The following MYO3B variants were observed in gnomAD, a reference collection of about 807,000 sequenced individuals.
The protein encoded by MYO3B is myosin-IIIb.
In MYO3B, 156 loss-of-function variants were observed where a neutral mutation model predicts 174.6. The observed-to-expected ratio is 0.89, with a 90% CI of 0.78 to 1.02. The LOEUF (loss-of-function observed/expected upper bound fraction) is 1.02, where lower values mean the gene tolerates loss of function less well. Among genes scored for constraint, MYO3B ranks in the 50% least tolerant of loss-of-function variants. The probability of loss-of-function intolerance (pLI) is 0.00; values close to 1 mark genes in which losing one functional copy is unlikely to be tolerated. For missense variants in MYO3B, 1,632 were observed against 1,639.4 expected (o/e 1.00, Z 0.08); for synonymous variants, 563 against 569.1 (o/e 0.99, Z 0.15).
intron 22 of MYO3B, among the ~76,000 whole-genome samples, chr2:170,413,640 A>G (rs2094559681): frequency 6.6e-6 from 1 of 151,334 alleles, no homozygotes; most frequent in South Asian, 2.1e-4. Context: ...CTAGATTTAG[A>G]TTTAGGATCC....
Position 170,601,930 on chromosome 2 carries a change from G to A in MYO3B, c.3734-49698G>A, listed in dbSNP as rs1393332973. The A allele has an allele frequency of 9.6e-6, 8 of 831,822 alleles. 1 individual carries two copies. The highest frequency in any genetic ancestry group is 7.2e-5 in the East Asian group (3 of 41,540). The allele number at this position is 831,822 out of a possible 1,614,324, so 51.5% of individuals were successfully genotyped here. On this transcript the variant is annotated intron_variant, in intron 32 of 34. Transcript: ENST00000408978. ...CTCAGAGCAGAACAGCAAAAAGGCC[G>A]AAGGAGGCCTCTTGGGTGCATTGGA...
chr2:170,427,979 T>G (rs12994830), intron 22 of MYO3B, among the ~76,000 whole-genome samples: 36,472 of 152,110 alleles, frequency 0.24, 5,136 homozygotes, highest in Non-Finnish European at 0.31. Context: ...AGAATAGATG[T>G]TATAAAGATG....
intron 7 of MYO3B, among the ~76,000 whole-genome samples, chr2:170,243,731 G>A (rs1466243465): frequency 4.6e-5 from 7 of 152,176 alleles, no homozygotes; most frequent in Admixed American, 4.6e-4. Flanking sequence ...CCTTGTAGCT[G>A]AAGAATTGAA....
chr2:170,523,794 T>C (rs571567273), intron 30 of MYO3B, among the ~76,000 whole-genome samples: 3 of 152,168 alleles, frequency 2.0e-5, no homozygotes, highest in Non-Finnish European at 4.4e-5. Context: ...AGGGGCTTCT[T>C]CTCAGGAGTC....
chr2:170,503,752 C>A (rs1174911149), intron 28 of MYO3B, among the ~76,000 whole-genome samples: 1 of 151,922 alleles, frequency 6.6e-6, no homozygotes, highest in East Asian at 1.9e-4. Flanking sequence ...TTAACTGAGT[C>A]TGCAGGGGCT....
chr2:170,617,699 C>G (rs963568325), intron 32 of MYO3B, among the ~76,000 whole-genome samples: 1 of 152,150 alleles, frequency 6.6e-6, no homozygotes, highest in African/African-American at 2.4e-5. Context: ...GGAGTTAAAT[C>G]TACGATATAA....
chr2:170,285,878 T>A (rs978963472), intron 7 of MYO3B, among the ~76,000 whole-genome samples: 6 of 152,080 alleles, frequency 3.9e-5, no homozygotes, highest in Non-Finnish European at 8.8e-5. Context: ...GAATTTTAGG[T>A]TTATATACAT....
At chr2:170,482,286 C>G (rs1559043914) in intron 25 of MYO3B, among the ~76,000 whole-genome samples, 1 of 152,100 alleles carries the variant, frequency 6.6e-6, no homozygotes, top group Non-Finnish European at 1.5e-5. Context: ...TCTCGAGTAG[C>G]TGGGATTACA....
intron 7 of MYO3B, among the ~76,000 whole-genome samples, chr2:170,330,853 GATTTCCGAAAGAGC>G (rs2093906700): frequency 8.7e-6 from 1 of 114,962 alleles, no homozygotes; most frequent in South Asian, 2.6e-4. Context: ...GGAATTTGCT[GATTTCCGAAAGAGC>G]TGTTCCATAT....
At chr2:170,482,516 G>A (rs1267972163) in intron 25 of MYO3B, among the ~76,000 whole-genome samples, 1 of 152,162 alleles carries the variant, frequency 6.6e-6, no homozygotes, top group East Asian at 1.9e-4. Context: ...CTTGCCTTCT[G>A]CCATGATTCT....
intron 30 of MYO3B, among the ~76,000 whole-genome samples, chr2:170,523,629 G>A (rs1688816224): frequency 6.6e-6 from 1 of 152,208 alleles, no homozygotes; most frequent in African/African-American, 2.4e-5. Context: ...ATTCAGGAAT[G>A]TCAGCAAAGA....
Position 170,400,240 on chromosome 2 carries a change from T to C in MYO3B, c.1844T>C (p.Ile615Thr), listed in dbSNP as rs772115705. ...ILAGILNIGN[I>T]EFAAISSQHQ... ...GCTGGGATTTTGAATATTGGGAACATTGAGTTCGCAGCTATTTCCTCTCAA... is the reference window on the plus strand; with the variant it reads ...GCTGGGATTTTGAATATTGGGAACACTGAGTTCGCAGCTATTTCCTCTCAA... Residue 615 changes from isoleucine to threonine, a missense_variant, in exon 17 of 35, where the codon ATT becomes ACT. Coordinates refer to ENST00000408978, the MANE Select transcript of MYO3B (RefSeq NM_138995.5). The C allele has an allele frequency of 1.5e-5, 25 of 1,613,814 alleles. No individual in the cohort carries two copies. In the African/African-American group the frequency reaches 2.9e-4, roughly 19 times the overall value.
chr2:170,343,474 C>T (rs1473761350), intron 8 of MYO3B: 1 of 152,120 alleles, frequency 6.6e-6, no homozygotes, highest in Non-Finnish European at 1.5e-5. Context: ...CTTCTTTGCT[C>T]TGCAAACAAA....
At chr2:170,460,138 G>C (rs998338912) in intron 23 of MYO3B, among the ~76,000 whole-genome samples, 1 of 152,116 alleles carries the variant, frequency 6.6e-6, no homozygotes, top group Non-Finnish European at 1.5e-5. Flanking sequence ...CAGAGGAGTC[G>C]CCGAGAGTAA....
At chr2:170,338,418 G>A (rs2093958667) in intron 8 of MYO3B, among the ~76,000 whole-genome samples, 1 of 152,106 alleles carries the variant, frequency 6.6e-6, no homozygotes, top group Middle Eastern at 3.4e-3. Flanking sequence ...TATATAATAG[G>A]TGTTTATAGA....
intron 32 of MYO3B, among the ~76,000 whole-genome samples, chr2:170,645,208 C>G (rs1041333917): frequency 3.2e-4 from 48 of 152,112 alleles, no homozygotes; most frequent in African/African-American, 1.1e-3. Flanking sequence ...CAGTGGCTCA[C>G]GCCTGTAATC....
intron 28 of MYO3B, among the ~76,000 whole-genome samples, chr2:170,504,276 G>A (rs560447538): frequency 8.6e-4 from 131 of 152,294 alleles, no homozygotes; most frequent in Admixed American, 1.6e-3. Flanking sequence ...TCTGTGGAAT[G>A]CATTTGTATT....
Position 170,288,989 on chromosome 2 carries a change from T to C in MYO3B, c.750-46396T>C, listed in dbSNP as rs548864225. ...ATCAGTTGGTTTTTGTTCTCAATTC[T>C]GTTCGTGTGTTGTATTACATTTATT... On this transcript the variant is annotated intron_variant, in intron 7 of 34. Transcript: ENST00000408978. 2.0e-5 allele frequency among the ~76,000 whole-genome samples: 3 copies of C among 152,300 alleles called. No individual in the cohort carries two copies. The South Asian group carries it at 6.2e-4, about 32-fold the overall frequency.
chr2:170,379,237 C>T (rs1156726147), intron 9 of MYO3B, among the ~76,000 whole-genome samples: 2 of 147,190 alleles, frequency 1.4e-5, no homozygotes, highest in East Asian at 4.1e-4. Flanking sequence ...GCTCTGTTGC[C>T]AGGTTGGCAT....
Sources: gnomAD v4.1 joint callset for allele counts (sites outside exome capture counted in the v4.1 genomes callset) on GRCh38, gnomAD v4.1.1 for gene constraint, MANE v1.5 for transcripts, NCBI Gene and HGNC (gene_info 2026-07-23, HGNC 2026-07-21) for gene names.